GRID2: variants seen among roughly 807,000 people sequenced by gnomAD.
GRID2 encodes glutamate ionotropic receptor delta type subunit 2, also known as glutamate receptor ionotropic, delta-2.
In GRID2, 33 loss-of-function variants were observed where a neutral mutation model predicts 114.8. The ratio of observed to expected loss-of-function variants is 0.29; its 90% CI spans 0.22 to 0.38. GRID2 has a LOEUF of 0.38. Ranked by LOEUF, GRID2 falls within the 10% of genes least tolerant of loss-of-function variation. GRID2 has a pLI of 1.00. For missense variants in GRID2, 1,184 were observed against 1,257.7 expected, an observed-to-expected ratio of 0.94 and a Z score of 0.89; for synonymous variants, 505 against 449.9, an observed-to-expected ratio of 1.12 and a Z score of -1.55.
chr4:92,705,012 A>G (rs2149304732), intron 2 of GRID2, among the ~76,000 whole-genome samples: 1 of 152,080 alleles, frequency 6.6e-6, no homozygotes, highest in Non-Finnish European at 1.5e-5. Context: ...GACATAGGGG[A>G]TAGTCTTTAA....
intron 5 of GRID2, among the ~76,000 whole-genome samples, chr4:93,209,101 T>C (rs1470725097): frequency 6.6e-6 from 1 of 152,024 alleles, no homozygotes. Context: ...GTTTTTGTTT[T>C]GTTTTTAGCT....
chr4:93,081,722 T>C (rs1355664917), intron 2 of GRID2, among the ~76,000 whole-genome samples: 1 of 152,174 alleles, frequency 6.6e-6, no homozygotes, highest in African/African-American at 2.4e-5. Flanking sequence ...TGAGATGTCA[T>C]AGGTTTAGAT....
chr4:93,368,687 GA>G (rs1762579886), intron 8 of GRID2, among the ~76,000 whole-genome samples: 1 of 152,060 alleles, frequency 6.6e-6, no homozygotes, highest in Non-Finnish European at 1.5e-5. Flanking sequence ...TAATGCTAAT[GA>G]AAAGCTAGTC....
intron 2 of GRID2, among the ~76,000 whole-genome samples, chr4:93,057,901 T>C (rs990954792): frequency 6.6e-6 from 1 of 151,992 alleles, no homozygotes; most frequent in Non-Finnish European, 1.5e-5. Flanking sequence ...TGTTCAAAGA[T>C]GATTTTTACT....
At chr4:92,798,939 A>G (rs1740019908) in intron 2 of GRID2, among the ~76,000 whole-genome samples, 1 of 152,032 alleles carries the variant, frequency 6.6e-6, no homozygotes, top group South Asian at 2.1e-4. Flanking sequence ...TAAGGCTACT[A>G]TAACAAATGC....
intron 2 of GRID2, among the ~76,000 whole-genome samples, chr4:92,669,038 A>G (rs1483667714): frequency 2.0e-5 from 3 of 151,894 alleles, no homozygotes. Flanking sequence ...TTGCGATGTC[A>G]TTTATTGCAT....
chr4:93,133,941 T>A (rs1169445469), intron 4 of GRID2, among the ~76,000 whole-genome samples: 1 of 152,184 alleles, frequency 6.6e-6, no homozygotes, highest in Non-Finnish European at 1.5e-5. Flanking sequence ...TAGAATTCCA[T>A]TTGCTTCACA....
intron 13 of GRID2, among the ~76,000 whole-genome samples, chr4:93,544,436 A>T: frequency 6.6e-6 from 1 of 152,160 alleles, no homozygotes; most frequent in East Asian, 1.9e-4. Flanking sequence ...TGCCAGCCCT[A>T]TTTTATATAT....
chr4:93,688,001 C>G (rs1255074763), intron 14 of GRID2, among the ~76,000 whole-genome samples: 1 of 151,656 alleles, frequency 6.6e-6, no homozygotes. Flanking sequence ...GACACTTTCT[C>G]CATTATAAAA....
chr4:92,390,904 T>G (rs1730209716), intron 1 of GRID2, among the ~76,000 whole-genome samples: 1 of 152,186 alleles, frequency 6.6e-6, no homozygotes, highest in Non-Finnish European at 1.5e-5. Flanking sequence ...TCATGGCATT[T>G]TTGGCACCAA....
intron 8 of GRID2, among the ~76,000 whole-genome samples, chr4:93,332,263 T>C (rs947419188): frequency 8.4e-5 from 9 of 107,216 alleles, no homozygotes; most frequent in African/African-American, 3.6e-4. Context: ...TGTGTGTGTG[T>C]GTGCGTGTGT....
intron 3 of GRID2, among the ~76,000 whole-genome samples, chr4:93,106,933 A>G (rs926342943): frequency 1.3e-5 from 2 of 152,202 alleles, no homozygotes; most frequent in Non-Finnish European, 2.9e-5. Context: ...TAGACCCTAC[A>G]CTAGATTTTG....
At chr4:93,516,010 C>A (rs1275519473) in intron 13 of GRID2, among the ~76,000 whole-genome samples, 1 of 152,082 alleles carries the variant, frequency 6.6e-6, no homozygotes, top group Non-Finnish European at 1.5e-5. Flanking sequence ...TTACTCTGAG[C>A]TGTAGCTTAT....
At chr4:92,387,618 C>T (rs771916301) in intron 1 of GRID2, among the ~76,000 whole-genome samples, 3 of 151,892 alleles carry the variant, frequency 2.0e-5, no homozygotes, top group East Asian at 1.9e-4. Context: ...TAAGAATGTA[C>T]TTGATGGAGA....
chr4:93,710,070 G>C (rs1287927939), intron 14 of GRID2, among the ~76,000 whole-genome samples: 1 of 152,094 alleles, frequency 6.6e-6, no homozygotes. Context: ...TTGGTCACTG[G>C]TGCCTTTTAG....
chr4:93,329,035 T>C (rs1361593579), intron 8 of GRID2, among the ~76,000 whole-genome samples: 1 of 152,154 alleles, frequency 6.6e-6, no homozygotes, highest in East Asian at 1.9e-4. Context: ...ATTTGACTTA[T>C]TTAATAAATG....
chr4:93,377,035 T>A (rs529925003), intron 8 of GRID2, among the ~76,000 whole-genome samples: 11 of 152,302 alleles, frequency 7.2e-5, no homozygotes, highest in African/African-American at 2.6e-4. Flanking sequence ...GTCATGATTA[T>A]GTTTTAAAGG....
At chr4:93,154,172 G>A (rs1736969554) in intron 4 of GRID2, among the ~76,000 whole-genome samples, 1 of 151,964 alleles carries the variant, frequency 6.6e-6, no homozygotes, top group Non-Finnish European at 1.5e-5. Flanking sequence ...AATGATACCA[G>A]CTCTACAGAC....
chr4:92,413,805 A>G (rs980263480), intron 1 of GRID2, among the ~76,000 whole-genome samples: 1 of 152,136 alleles, frequency 6.6e-6, no homozygotes, highest in African/African-American at 2.4e-5. Flanking sequence ...CTGTAATGTG[A>G]AGAAATTTTA....
Sources: allele counts gnomAD v4.1 joint callset (sites outside exome capture counted in the v4.1 genomes callset), GRCh38; gene constraint gnomAD v4.1.1; transcripts MANE v1.5; gene names NCBI Gene and HGNC (gene_info 2026-07-23, HGNC 2026-07-21).